ADAM22: variants seen among roughly 807,000 people sequenced by gnomAD.
The protein encoded by ADAM22 is ADAM metallopeptidase domain 22, also known as disintegrin and metalloproteinase domain-containing protein 22.
ADAM22 carries 65 observed loss-of-function variants against 144.6 expected under a neutral mutation model. The observed-to-expected ratio is 0.45, with a 90% CI of 0.37 to 0.55. ADAM22 has a LOEUF of 0.55. Ranked by LOEUF, ADAM22 falls within the 20% of genes least tolerant of loss-of-function variation. ADAM22 has a pLI of 0.00. For synonymous variants in ADAM22, 391 were observed against 412.6 expected (o/e 0.95, Z 0.63); for missense variants, 974 against 1,184.9 (o/e 0.82, Z 2.61).
chr7:88,085,895 G>A (rs1818317392), intron 4 of ADAM22, among the ~76,000 whole-genome samples: 2 of 152,060 alleles, frequency 1.3e-5, no homozygotes, highest in South Asian at 4.1e-4. Context: ...AATAATTTTT[G>A]CCTGGGCACA....
At chr7:88,015,134 A>G (rs537708474) in intron 3 of ADAM22, among the ~76,000 whole-genome samples, 14 of 152,360 alleles carry the variant, frequency 9.2e-5, no homozygotes, top group Admixed American at 2.0e-4. Flanking sequence ...TGGATACTAA[A>G]TAATACCTTT....
At chr7:88,146,312 T>C (rs1349331452) in intron 17 of ADAM22, among the ~76,000 whole-genome samples, 1 of 152,238 alleles carries the variant, frequency 6.6e-6, no homozygotes, top group Non-Finnish European at 1.5e-5. Flanking sequence ...CTCTTAGTGA[T>C]AATTTGCTGA....
intron 2 of ADAM22, among the ~76,000 whole-genome samples, chr7:87,941,144 G>C (rs866245330): frequency 3.9e-5 from 6 of 152,066 alleles, no homozygotes; most frequent in South Asian, 2.1e-4. Flanking sequence ...AGCCTTTGTT[G>C]TCAGTGAATA....
intron 2 of ADAM22, among the ~76,000 whole-genome samples, chr7:87,970,343 T>C (rs1219178708): frequency 2.0e-5 from 3 of 152,180 alleles, no homozygotes; most frequent in African/African-American, 7.2e-5. Context: ...ATGGCAAATA[T>C]GTGTTTAGGA....
intron 4 of ADAM22, among the ~76,000 whole-genome samples, chr7:88,103,183 C>G (rs1282915191): frequency 6.6e-6 from 1 of 152,122 alleles, no homozygotes; most frequent in Non-Finnish European, 1.5e-5. Context: ...CTGTCAAAGT[C>G]TAGTTTCCTT....
chr7:88,003,601 T>C (rs537913814), intron 3 of ADAM22, among the ~76,000 whole-genome samples: 3 of 152,320 alleles, frequency 2.0e-5, no homozygotes, highest in African/African-American at 7.2e-5. Context: ...TTTAGCTATT[T>C]CAAATTTGGG....
chr7:88,159,981 A>T (rs1348119478), intron 22 of ADAM22, among the ~76,000 whole-genome samples: 1 of 152,190 alleles, frequency 6.6e-6, no homozygotes, highest in African/African-American at 2.4e-5. Flanking sequence ...TTTGCTGATG[A>T]CGTGATTCTA....
At chr7:87,994,984 C>T (rs1317389827) in intron 3 of ADAM22, among the ~76,000 whole-genome samples, 4 of 152,144 alleles carry the variant, frequency 2.6e-5, no homozygotes, top group Non-Finnish European at 5.9e-5. Context: ...CCTGCCACCG[C>T]GCCTGGCTAA....
At chr7:88,050,258 A>T (rs1436216811) in intron 3 of ADAM22, among the ~76,000 whole-genome samples, 1 of 150,158 alleles carries the variant, frequency 6.7e-6, no homozygotes, top group Non-Finnish European at 1.5e-5. Context: ...GGGCATCATA[A>T]GGTGCATGCC....
At chr7:87,994,571 A>G (rs532784955) in intron 3 of ADAM22, among the ~76,000 whole-genome samples, 1 of 151,510 alleles carries the variant, frequency 6.6e-6, no homozygotes, top group East Asian at 1.9e-4. Context: ...TCTAATTTTG[A>G]TGTGGGTCTA....
At position 88,019,070 on chromosome 7, in the gene ADAM22, CA is replaced by C. The variant is rs3216246; in HGVS notation, c.323+40670del. 9.4e-3 allele frequency among the ~76,000 whole-genome samples: 1,329 copies of C among 141,726 alleles called. 15 individuals carry two copies. The highest frequency in any genetic ancestry group is 0.026 in the African/African-American group (1,027 of 39,304). The allele number at this position is 141,726 out of a possible 152,430, so 93.0% of individuals were successfully genotyped here. On this transcript the variant is annotated intron_variant, in intron 3 of 31. Transcript: ENST00000413139. ...TATAAAAATGTGTGAACTACTAAAC[CA>C]AAAAAAAAAAAGTTTAGCTTCAAAA...
chr7:87,952,450 A>G (rs1845482887), intron 2 of ADAM22, among the ~76,000 whole-genome samples: 2 of 152,164 alleles, frequency 1.3e-5, no homozygotes, highest in Non-Finnish European at 2.9e-5. Context: ...GTATTTATTG[A>G]TTTGCATATA....
At chr7:87,973,409 A>T (rs1224226115) in intron 2 of ADAM22, among the ~76,000 whole-genome samples, 1 of 152,088 alleles carries the variant, frequency 6.6e-6, no homozygotes, top group Non-Finnish European at 1.5e-5. Context: ...CACCAGTTAG[A>T]ATGGCGATCA....
In ADAM22 at chr7:87,971,464, A is replaced by G. The variant is rs143811430; in HGVS notation, c.247-6872A>G. 1.4e-4 allele frequency among the ~76,000 whole-genome samples: 21 copies of G among 152,240 alleles called. 1 individual carries two copies. The highest frequency in any genetic ancestry group is 5.1e-4 in the African/African-American group (21 of 41,542). Reference sequence around the variant, plus strand: ...CAGTGTCCCTAGTTATATACTAAGGATCTTGTATTATGTGACCTCTAGGAA... The same window carrying G: ...CAGTGTCCCTAGTTATATACTAAGGGTCTTGTATTATGTGACCTCTAGGAA... On this transcript the variant is annotated intron_variant, in intron 2 of 31. Transcript: ENST00000413139.
chr7:87,980,820 G>A (rs187912372), intron 3 of ADAM22, among the ~76,000 whole-genome samples: 26 of 152,208 alleles, frequency 1.7e-4, no homozygotes, highest in Admixed American at 1.4e-3. Context: ...AAAGGGTGGG[G>A]AGCAGTTTTT....
At chr7:88,013,129 G>A (rs1028203727) in intron 3 of ADAM22, among the ~76,000 whole-genome samples, 1 of 152,158 alleles carries the variant, frequency 6.6e-6, no homozygotes, top group Non-Finnish European at 1.5e-5. Flanking sequence ...CTCCAGCAAA[G>A]CATCAAAGCC....
chr7:87,957,926 A>T (rs1037827301), intron 2 of ADAM22, among the ~76,000 whole-genome samples: 13 of 152,094 alleles, frequency 8.5e-5, no homozygotes, highest in African/African-American at 3.1e-4. Context: ...ATAACAATAT[A>T]TTACTGTTTT....
intron 2 of ADAM22, among the ~76,000 whole-genome samples, chr7:87,947,813 T>C (rs1171549596): frequency 6.6e-6 from 1 of 152,204 alleles, no homozygotes; most frequent in Non-Finnish European, 1.5e-5. Flanking sequence ...TATTTTAATT[T>C]AATTACACGC....
At chr7:88,130,061 C>T (rs992813951) in intron 9 of ADAM22, among the ~76,000 whole-genome samples, 3 of 152,050 alleles carry the variant, frequency 2.0e-5, no homozygotes, top group South Asian at 2.1e-4. Context: ...TCATAGACAA[C>T]TTTCATATGT....
Sources: allele counts gnomAD v4.1 joint callset (sites outside exome capture counted in the v4.1 genomes callset), GRCh38; gene constraint gnomAD v4.1.1; transcripts MANE v1.5; gene names NCBI Gene and HGNC (gene_info 2026-07-23, HGNC 2026-07-21).